Variants in DPY19L3 observed in about 807,000 individuals in gnomAD.
The protein encoded by DPY19L3 is dpy-19 like C-mannosyltransferase 3.
A neutral mutation model predicts 92.3 loss-of-function variants in DPY19L3; 51 were observed. The ratio of observed to expected loss-of-function variants is 0.55; its 90% CI spans 0.44 to 0.70. The LOEUF is 0.70. Among genes scored for constraint, DPY19L3 ranks in the 30% least tolerant of loss-of-function variants. The pLI, the probability that DPY19L3 is intolerant of heterozygous loss-of-function variation, is 0.00. For missense variants in DPY19L3, 706 were observed against 855.9 expected (o/e 0.82, Z 2.18); for synonymous variants, 309 against 315.2 (o/e 0.98, Z 0.21).
chr19:32,463,796 T>A lies in DPY19L3; in HGVS notation c.1446-73T>A, dbSNP rs566668775. The A allele has an allele frequency of 6.1e-6, 8 of 1,310,092 alleles. No individual in the cohort carries two copies. The African/African-American group carries it at 1.0e-4, about 17-fold the overall frequency. 81.2% of individuals were successfully genotyped at this position (1,310,092 alleles called of 1,614,324 possible). ...TGCCGTCATAGACTGTAAAGCTGCC[T>A]TTATAGGTGTCTCAGAATCCAGGTT... is the stretch of plus-strand genomic sequence containing the variant. On this transcript the variant is annotated intron_variant, in intron 13 of 18. Transcript: ENST00000392250.
Position 32,411,512 on chromosome 19 carries a change from C to G in DPY19L3, c.237+140C>G, listed in dbSNP as rs1338702725. The G allele has an allele frequency of 7.5e-6, 5 of 666,718 alleles. No homozygotes were observed. In the African/African-American group the frequency reaches 9.3e-5, roughly 12 times the overall value. 41.3% of individuals were successfully genotyped at this position (666,718 alleles called of 1,614,324 possible). A position where few individuals can be genotyped will look rare whatever the true frequency, so the allele number is the denominator to read the frequency against. On this transcript the variant is annotated intron_variant, in intron 3 of 18. Coordinates refer to ENST00000392250, the MANE Select transcript of DPY19L3 (RefSeq NM_001172774.2). The stretch of plus-strand genomic sequence containing the variant: ...AAGGTTGGACTATAGAGTGAAATAA[C>G]TTTTGTGTTTATTATTTTAAAATAA...
intron 17 of DPY19L3, chr19:32,479,736 C>T (rs1449772602): frequency 3.1e-6 from 1 of 319,656 alleles, no homozygotes; most frequent in African/African-American, 2.3e-5. Context: ...TGCATCCATC[C>T]ACTGAGGGTG....
At position 32,482,101 on chromosome 19, in the gene DPY19L3, A is replaced by G. The variant is rs755598705; in HGVS notation, c.2012A>G (p.Asn671Ser). The G allele has an allele frequency of 1.2e-6, 2 of 1,613,698 alleles. No homozygotes were observed. The highest frequency in any genetic ancestry group is 8.5e-7 in the Non-Finnish European group (1 of 1,179,822). The change falls in exon 19 of 19, where the codon AAT (asparagine) becomes AGT (serine). Residue 671 changes from asparagine (N) to serine (S), a missense_variant. Transcript: ENST00000392250. ...NGHMMDGPGE[N>S]DPDLKPADHP... ...TAGATGATGGATGGCCCAGGAGAGA[A>G]TGATCCTGATTTGAAACCTGCAGAC...
intron 9 of DPY19L3, 101 bp from the exon 10 acceptor site, chr19:32,454,838 A>G (rs1039141973): frequency 8.3e-6 from 6 of 721,608 alleles, no homozygotes; most frequent in Non-Finnish European, 1.4e-5. Flanking sequence ...CCTTTATGTT[A>G]TATGAGCCAG....
Position 32,405,870 on chromosome 19 carries a change from C to T in DPY19L3, c.-77C>T, listed in dbSNP as rs1381332490. On this transcript the variant is annotated 5_prime_UTR_variant, in exon 1 of 19. Coordinates refer to ENST00000392250, the MANE Select transcript of DPY19L3 (RefSeq NM_001172774.2). ...CCCGCCTAGCCCCGTCGGCCTCCTT[C>T]CCCTCCCGGAGCCGCGCGTGAGGAC... 6.6e-6 allele frequency: 1 copy of T among 152,066 alleles called. No homozygotes were observed. Among genetic ancestry groups the T allele is most frequent in the African/African-American group, 2.4e-5 (1 of 41,424 alleles). 9.4% of individuals were successfully genotyped at this position (152,066 alleles called of 1,614,324 possible). A position where few individuals can be genotyped will look rare whatever the true frequency, so the allele number is the denominator to read the frequency against.
At chr19:32,421,648 A>T (rs1367849034) in intron 3 of DPY19L3, among the ~76,000 whole-genome samples, 1 of 29,384 alleles carries the variant, frequency 3.4e-5, no homozygotes, top group African/African-American at 8.4e-5. Context: ...AAAAAAAAAG[A>T]GAGAGGAGTC....
intron 15 of DPY19L3, among the ~76,000 whole-genome samples, chr19:32,466,809 A>G (rs1254547635): frequency 1.3e-5 from 2 of 152,250 alleles, no homozygotes; most frequent in Admixed American, 6.5e-5. Context: ...ACTGTATAAA[A>G]TAGTTCAGAT....
intron 17 of DPY19L3, among the ~76,000 whole-genome samples, chr19:32,480,089 A>C (rs1471403207): frequency 6.6e-6 from 1 of 152,160 alleles, no homozygotes; most frequent in Non-Finnish European, 1.5e-5. Flanking sequence ...CCTGTCATTT[A>C]CCTTGGGAAA....
At chr19:32,464,406 G>C (rs139388825) in intron 14 of DPY19L3, among the ~76,000 whole-genome samples, 11 of 152,284 alleles carry the variant, frequency 7.2e-5, no homozygotes, top group Admixed American at 5.2e-4. Flanking sequence ...TATAGTAGAA[G>C]CTGCAGATAT....
Position 32,453,220 on chromosome 19 carries a change from C to CTTGGATCACTGCTTATCAGTTT in DPY19L3, c.933_954dup (p.Asn319TrpfsTer8), listed in dbSNP as rs780750558. The stretch of plus-strand genomic sequence containing the variant: ...TCTTCAGTTTTTTAATTCCATGATT[C>CTTGGATCACTGCTTATCAGTTT]TTGGATCACTGCTTATCAGTTTTAA... On this transcript the variant is annotated frameshift_variant, in exon 9 of 19. Coordinates refer to ENST00000392250, the MANE Select transcript of DPY19L3 (RefSeq NM_001172774.2). LOFTEE classifies it high-confidence loss of function. The CTTGGATCACTGCTTATCAGTTT allele has an allele frequency of 6.2e-7, 1 of 1,613,844 alleles. No individual in the cohort carries two copies. Among genetic ancestry groups the CTTGGATCACTGCTTATCAGTTT allele is most frequent in the African/African-American group, 1.3e-5 (1 of 74,900 alleles).
intron 3 of DPY19L3, among the ~76,000 whole-genome samples, chr19:32,430,057 A>G (rs1968907623): frequency 6.6e-6 from 1 of 152,224 alleles, no homozygotes; most frequent in South Asian, 2.1e-4. Context: ...CTGTATCATT[A>G]TGTAGTAGCC....
chr19:32,456,177 G>A (rs1036024840), intron 10 of DPY19L3, among the ~76,000 whole-genome samples: 3 of 149,226 alleles, frequency 2.0e-5, no homozygotes, highest in Non-Finnish European at 4.4e-5. Flanking sequence ...CTGGATTTAG[G>A]TGATCCTCCC....
intron 3 of DPY19L3, among the ~76,000 whole-genome samples, chr19:32,424,483 T>C (rs1968690426): frequency 6.6e-6 from 1 of 151,198 alleles, no homozygotes; most frequent in Non-Finnish European, 1.5e-5. Flanking sequence ...AAAAAAAAAT[T>C]AGCCAGGCTT....
At chr19:32,474,528 C>CT (rs1040776683) in intron 16 of DPY19L3, among the ~76,000 whole-genome samples, 1 of 152,172 alleles carries the variant, frequency 6.6e-6, no homozygotes, top group African/African-American at 2.4e-5. Context: ...ACGTGATACA[C>CT]TAGGCTCACT....
In DPY19L3 at chr19:32,483,771, TTAA is replaced by T. The variant is rs1428903331; in HGVS notation, c.*1535_*1537del. On this transcript the variant is annotated 3_prime_UTR_variant, in exon 19 of 19. Transcript: ENST00000392250. ...CTGAATTATATCTTTTCTGTATCCC[TTAA>T]TAAGATTGGAGACCACTGCCGTTTA... The T allele has an allele frequency of 6.6e-6, 1 of 152,418 alleles. No individual in the cohort carries two copies. Among genetic ancestry groups the T allele is most frequent in the Non-Finnish European group, 1.5e-5 (1 of 68,034 alleles). 9.4% of individuals were successfully genotyped at this position (152,418 alleles called of 1,614,324 possible). A position where few individuals can be genotyped will look rare whatever the true frequency, so the allele number is the denominator to read the frequency against.
At chr19:32,434,191 A>G (rs146134973) in intron 4 of DPY19L3, among the ~76,000 whole-genome samples, 1 of 152,282 alleles carries the variant, frequency 6.6e-6, no homozygotes, top group Non-Finnish European at 1.5e-5. Flanking sequence ...TCATTCATGG[A>G]CACGTCCAGA....
At chr19:32,426,671 T>C (rs1391942324) in intron 3 of DPY19L3, among the ~76,000 whole-genome samples, 1 of 152,208 alleles carries the variant, frequency 6.6e-6, no homozygotes, top group African/African-American at 2.4e-5. Context: ...CCGTCTTACA[T>C]GGGTGTGGTT....
Position 32,483,621 on chromosome 19 carries a change from T to C in DPY19L3, c.*1381T>C, listed in dbSNP as rs987051525. ...TGATTTTATATTCAGTTGCTACTTA[T>C]AAAGCAGCATTCAAAAAGTCTTTTA... On this transcript the variant is annotated 3_prime_UTR_variant, in exon 19 of 19. Transcript: ENST00000392250. 18 of 152,372 alleles carry C rather than the reference T, an allele frequency of 1.2e-4. No homozygotes were observed. The highest frequency in any genetic ancestry group is 1.7e-4 in the African/African-American group (7 of 41,462). 9.4% of individuals were successfully genotyped at this position (152,372 alleles called of 1,614,324 possible). A position where few individuals can be genotyped will look rare whatever the true frequency, so the allele number is the denominator to read the frequency against.
intron 2 of DPY19L3, among the ~76,000 whole-genome samples, chr19:32,410,953 C>T (rs1378491843): frequency 1.3e-5 from 2 of 152,088 alleles, no homozygotes; most frequent in Admixed American, 6.5e-5. Context: ...TAAACTGTGC[C>T]GGACAGAGGC....
Sources: gnomAD v4.1 joint callset for allele counts (sites outside exome capture counted in the v4.1 genomes callset) on GRCh38, gnomAD v4.1.1 for gene constraint, MANE v1.5 for transcripts, NCBI Gene and HGNC (gene_info 2026-07-23, HGNC 2026-07-21) for gene names.